Variants in SMC5 observed in about 807,000 individuals in gnomAD.
SMC5 encodes the protein structural maintenance of chromosomes 5, also known as structural maintenance of chromosomes protein 5.
SMC5 carries 88 observed loss-of-function variants against 148.3 expected under a neutral mutation model. That is an observed-to-expected ratio of 0.59 (90% confidence interval 0.50 to 0.71). SMC5 has a LOEUF of 0.71. Among genes scored for constraint, SMC5 ranks in the 30% least tolerant of loss-of-function variants. The pLI, the probability that SMC5 is intolerant of heterozygous loss-of-function variation, is 0.00. For synonymous variants in SMC5, 421 were observed against 432.8 expected (o/e 0.97, Z 0.34); for missense variants, 1,142 against 1,298.9 (o/e 0.88, Z 1.86).
chr9:70,328,184 G>A (rs201467734), intron 17 of SMC5, among the ~76,000 whole-genome samples: 4 of 151,914 alleles, frequency 2.6e-5, no homozygotes, highest in Non-Finnish European at 4.4e-5. Context: ...TGGCCCTTCC[G>A]AAATCTTGTG....
chr9:70,329,658 T>C (rs767794848), intron 17 of SMC5, among the ~76,000 whole-genome samples: 1 of 152,212 alleles, frequency 6.6e-6, no homozygotes. Context: ...TGTCTTCTTC[T>C]GAGCCCTCCA....
chr9:70,282,678 C>G, intron 7 of SMC5, 95 bp downstream of exon 7: 1 of 1,236,278 alleles, frequency 8.1e-7, no homozygotes, highest in African/African-American at 1.6e-5. Context: ...CAAGGGTTTT[C>G]TTGTATCTTT....
At chr9:70,349,626 T>C (rs1273441982) in intron 22 of SMC5, among the ~76,000 whole-genome samples, 1 of 152,214 alleles carries the variant, frequency 6.6e-6, no homozygotes, top group East Asian at 1.9e-4. Context: ...CTTAACCGAC[T>C]GAAGAAGTTA....
intron 17 of SMC5, among the ~76,000 whole-genome samples, chr9:70,325,347 C>T (rs543443779): frequency 5.3e-5 from 8 of 152,186 alleles, no homozygotes; most frequent in East Asian, 1.9e-4. Flanking sequence ...AATACAAGTG[C>T]GTAAAATAAA....
chr9:70,347,685 G>T lies in SMC5; in HGVS notation c.2737G>T (p.Glu913Ter). 1 of 1,583,766 alleles carries T rather than the reference G, an allele frequency of 6.3e-7. No individual in the cohort carries two copies. Among genetic ancestry groups the T allele is most frequent in the South Asian group, 1.2e-5 (1 of 85,924 alleles). Residue 913 changes from glutamate to a stop codon, truncating the protein, a stop_gained, in exon 21 of 25, where the codon GAA (glutamate) becomes TAA (stop). Coordinates refer to ENST00000361138, the MANE Select transcript of SMC5 (RefSeq NM_015110.4). LOFTEE classifies it high-confidence loss of function. ...LTEELKGKKV[E>*]LDQYRENISQ... is the part of the protein sequence containing the mutation. The stretch of plus-strand genomic sequence containing the variant: ...TGAGGAACTAAAGGGAAAGAAAGTT[G>T]AACTAGATCAATACAGGGAAAACAT...
chr9:70,290,837 G>A (rs922417383), intron 8 of SMC5, among the ~76,000 whole-genome samples: 2 of 152,180 alleles, frequency 1.3e-5, no homozygotes, highest in African/African-American at 4.8e-5. Flanking sequence ...GTGAAAGTAA[G>A]CACCGCCAGC....
At chr9:70,351,196 A>T (rs1015063597) in intron 24 of SMC5, among the ~76,000 whole-genome samples, 2 of 152,002 alleles carry the variant, frequency 1.3e-5, no homozygotes. Context: ...TACAAAAAAA[A>T]TACAAAAATT....
chr9:70,314,601 T>A (rs2035746901), intron 11 of SMC5, 141 bp from the exon 12 acceptor site: 1 of 410,454 alleles, frequency 2.4e-6, no homozygotes, highest in Non-Finnish European at 4.4e-6. Flanking sequence ...AGTAAAAAAA[T>A]TTATACTAAG....
intron 17 of SMC5, among the ~76,000 whole-genome samples, chr9:70,330,751 C>CCTCAAACTCCTGACCT (rs1462697674): frequency 1.3e-4 from 20 of 151,732 alleles, no homozygotes; most frequent in Non-Finnish European, 2.7e-4. Flanking sequence ...ATTTTGTTGG[C>CCTCAAACTCCTGACCT]CAGGCTGGTC....
intron 2 of SMC5, among the ~76,000 whole-genome samples, chr9:70,265,007 A>T (rs957451508): frequency 6.6e-6 from 1 of 152,202 alleles, no homozygotes; most frequent in Non-Finnish European, 1.5e-5. Flanking sequence ...AATATAGAAA[A>T]GGTACAGTAA....
At chr9:70,272,062 G>A (rs1001290063) in intron 3 of SMC5, among the ~76,000 whole-genome samples, 4 of 152,238 alleles carry the variant, frequency 2.6e-5, no homozygotes, top group Non-Finnish European at 5.9e-5. Flanking sequence ...AAAGGCAAAA[G>A]CAAGAATATC....
At chr9:70,289,482 G>A (rs1472155272) in intron 8 of SMC5, among the ~76,000 whole-genome samples, 2 of 152,074 alleles carry the variant, frequency 1.3e-5, no homozygotes, top group South Asian at 2.1e-4. Flanking sequence ...TTTAGTTTAT[G>A]TGCTGTAAAT....
intron 7 of SMC5, among the ~76,000 whole-genome samples, 190 bp downstream of exon 7, chr9:70,282,773 A>C (rs1021849052): frequency 1.3e-5 from 2 of 152,168 alleles, no homozygotes; most frequent in African/African-American, 4.8e-5. Flanking sequence ...TTGCTACTTT[A>C]TAGGACTTCC....
chr9:70,327,132 C>G (rs1412117178), intron 17 of SMC5, among the ~76,000 whole-genome samples: 1 of 152,102 alleles, frequency 6.6e-6, no homozygotes. Flanking sequence ...CTAAAAAGAC[C>G]TAGATTATGA....
intron 8 of SMC5, among the ~76,000 whole-genome samples, chr9:70,288,632 C>T (rs914049180): frequency 6.6e-6 from 1 of 151,928 alleles, no homozygotes; most frequent in African/African-American, 2.4e-5. Context: ...CTACATCTCA[C>T]GTGTGTTGAT....
At chr9:70,277,638 G>T (rs1243885934) in intron 4 of SMC5, among the ~76,000 whole-genome samples, 166 bp downstream of exon 4, 1 of 152,054 alleles carries the variant, frequency 6.6e-6, no homozygotes, top group East Asian at 1.9e-4. Context: ...TTATTAATTT[G>T]TAGTAATTTG....
At position 70,322,966 on chromosome 9, in the gene SMC5, C is replaced by T. The variant is rs186730155; in HGVS notation, c.2151-517C>T. On this transcript the variant is annotated intron_variant, in intron 15 of 24. Transcript: ENST00000361138. The stretch of plus-strand genomic sequence containing the variant: ...GCTTTACCCATTCCAACTTATCTCC[C>T]TCCCCTCCCCAACATACTCGTCCTT... 2.0e-5 allele frequency among the ~76,000 whole-genome samples: 3 copies of T among 152,242 alleles called. No homozygotes were observed. The East Asian group carries it at 5.8e-4, about 29-fold the overall frequency.
chr9:70,261,852 A>G (rs2034146683), intron 1 of SMC5, among the ~76,000 whole-genome samples: 1 of 152,236 alleles, frequency 6.6e-6, no homozygotes, highest in South Asian at 2.1e-4. Flanking sequence ...AGCCAAGGAA[A>G]AAGAATGTTT....
chr9:70,347,018 T>G (rs1248473464), intron 19 of SMC5, 48 bp from the exon 20 acceptor site: 2 of 1,367,130 alleles, frequency 1.5e-6, no homozygotes, highest in Admixed American at 3.6e-5. Flanking sequence ...ACTATTTGAA[T>G]GGAACTGTTT....
Sources: allele counts gnomAD v4.1 joint callset (sites outside exome capture counted in the v4.1 genomes callset), GRCh38; gene constraint gnomAD v4.1.1; transcripts MANE v1.5; gene names NCBI Gene and HGNC (gene_info 2026-07-23, HGNC 2026-07-21).